Variants in TTLL11 observed in about 807,000 individuals in gnomAD.
TTLL11 encodes tubulin tyrosine ligase like 11.
TTLL11 carries 42 observed loss-of-function variants against 51.7 expected under a neutral mutation model. The observed-to-expected ratio is 0.81, with a 90% CI of 0.64 to 1.05. The LOEUF is 1.05. Among genes scored for constraint, TTLL11 ranks in the 50% least tolerant of loss-of-function variants. The pLI is 0.00. For synonymous variants in TTLL11, 381 were observed against 383.5 expected (o/e 0.99, Z 0.08); for missense variants, 799 against 940.4 (o/e 0.85, Z 1.97).
chr9:121,859,862 C>A (rs1259421633), intron 8 of TTLL11, among the ~76,000 whole-genome samples: 1 of 152,218 alleles, frequency 6.6e-6, no homozygotes, highest in Non-Finnish European at 1.5e-5. Context: ...TTCCTTGGCC[C>A]TCCCTGGATG....
Position 121,872,608 on chromosome 9 carries a change from G to A in TTLL11, c.1482-1860C>T, listed in dbSNP as rs530088602. ...ACATGCGTGATAGCCCTGTACGAAC[G>A]GTCCTCTCTTCATCCCAGTCCAAGG... On this transcript the variant is annotated intron_variant, in intron 6 of 8. Coordinates refer to ENST00000321582, the MANE Select transcript of TTLL11 (RefSeq NM_001139442.2). Among the ~76,000 whole-genome samples, 7 of 152,182 alleles carry A rather than the reference G, an allele frequency of 4.6e-5. No homozygotes were observed. The South Asian group carries it at 1.5e-3, about 32-fold the overall frequency.
chr9:121,862,935 A>G (rs1158083265), intron 7 of TTLL11, among the ~76,000 whole-genome samples: 1 of 152,118 alleles, frequency 6.6e-6, no homozygotes, highest in African/African-American at 2.4e-5. Flanking sequence ...CCCCTCTCCA[A>G]ACCCAAGCGC....
chr9:121,861,356 C>T (rs1838004444), intron 7 of TTLL11, among the ~76,000 whole-genome samples: 1 of 152,192 alleles, frequency 6.6e-6, no homozygotes, highest in African/African-American at 2.4e-5. Context: ...GGATTACAGG[C>T]GTGAGCCACT....
Position 121,817,212 on chromosome 9 carries a change from A to T in TTLL11, c.*5375T>A, listed in dbSNP as rs1836437228. Reference sequence around the variant, plus strand: ...GGACACTCTGCCAATCACAAGGCACATTCCGGGTGTCAGAGGAGCAGCAGG... The same window carrying T: ...GGACACTCTGCCAATCACAAGGCACTTTCCGGGTGTCAGAGGAGCAGCAGG... On this transcript the variant is annotated 3_prime_UTR_variant, in exon 9 of 9. Coordinates refer to ENST00000321582, the MANE Select transcript of TTLL11 (RefSeq NM_001139442.2). 1 of 151,822 alleles carries T rather than the reference A, an allele frequency of 6.6e-6. No individual in the cohort carries two copies. Among genetic ancestry groups the T allele is most frequent in the East Asian group, 2.0e-4 (1 of 5,118 alleles). The allele number at this position is 151,822 out of a possible 1,614,324, so 9.4% of individuals were successfully genotyped here. A position where few individuals can be genotyped will look rare whatever the true frequency, so the allele number is the denominator to read the frequency against.
At position 121,826,547 on chromosome 9, in the gene TTLL11, A is replaced by G. The variant is rs1239640436; in HGVS notation, c.1841-3668T>C. The stretch of plus-strand genomic sequence containing the variant: ...TATATATGTGTGTGTGTATATATAT[A>G]TATGTGTGTGTATATATATATATAT... On this transcript the variant is annotated intron_variant, in intron 8 of 8. Transcript: ENST00000321582. Among the ~76,000 whole-genome samples, 8 of 35,088 alleles carry G rather than the reference A, an allele frequency of 2.3e-4. 1 individual carries two copies. Among genetic ancestry groups the G allele is most frequent in the African/African-American group, 9.2e-4 (8 of 8,688 alleles). The allele number at this position is 35,088 out of a possible 152,430, so 23.0% of individuals were successfully genotyped here. A position where few individuals can be genotyped will look rare whatever the true frequency, so the allele number is the denominator to read the frequency against.
At chr9:121,850,446 G>T (rs1037983366) in intron 8 of TTLL11, among the ~76,000 whole-genome samples, 1 of 152,124 alleles carries the variant, frequency 6.6e-6, no homozygotes, top group Non-Finnish European at 1.5e-5. Flanking sequence ...GGGAGGACCT[G>T]GTGTAAGTCC....
intron 7 of TTLL11, among the ~76,000 whole-genome samples, chr9:121,864,238 G>T (rs1838110004): frequency 6.6e-6 from 1 of 152,208 alleles, no homozygotes; most frequent in Non-Finnish European, 1.5e-5. Flanking sequence ...TGCTGAATGG[G>T]CCTTGGATAC....
chr9:121,825,987 C>T (rs1836739150), intron 8 of TTLL11, among the ~76,000 whole-genome samples: 1 of 150,994 alleles, frequency 6.6e-6, no homozygotes, highest in African/African-American at 2.4e-5. Flanking sequence ...ATTTAAACAT[C>T]TGCAGTGGGA....
intron 1 of TTLL11, among the ~76,000 whole-genome samples, chr9:122,054,366 G>C (rs149867850): frequency 6.6e-6 from 1 of 152,132 alleles, no homozygotes; most frequent in Non-Finnish European, 1.5e-5. Flanking sequence ...ATCTCCTCCA[G>C]TTATTTATTC....
At chr9:121,898,176 A>T (rs1431930517) in intron 6 of TTLL11, among the ~76,000 whole-genome samples, 1 of 152,112 alleles carries the variant, frequency 6.6e-6, no homozygotes, top group African/African-American at 2.4e-5. Context: ...AGCCTGCCAA[A>T]GTGCTGGGAT....
Position 121,860,441 on chromosome 9 carries a change from C to T in TTLL11, c.1736G>A (p.Ser579Asn), listed in dbSNP as rs1204305785. 2 of 1,550,574 alleles carry T rather than the reference C, an allele frequency of 1.3e-6. No homozygotes were observed. Among genetic ancestry groups the T allele is most frequent in the Non-Finnish European group, 1.7e-6 (2 of 1,146,804 alleles). Residue 579 changes from serine to asparagine, a missense_variant and splice_region_variant, in exon 8 of 9, where the codon AGC (serine) becomes AAC (asparagine). Ser to Asn is a conservative substitution (Grantham distance 46). Transcript: ENST00000321582. ...GPTGFRTFIR[S>N]CKLSSSSLSM... is the part of the protein sequence containing the mutation. ...CAGGCTGCTGCTGCTGAGTTTGCAG[C>T]TCCTGCCAACAATGGGAAGTGACAT...
At chr9:122,003,466 G>A (rs1215858787) in intron 3 of TTLL11, among the ~76,000 whole-genome samples, 1 of 148,104 alleles carries the variant, frequency 6.8e-6, no homozygotes, top group African/African-American at 2.5e-5. Flanking sequence ...AACTTTAATC[G>A]AAATATGCAT....
intron 1 of TTLL11, among the ~76,000 whole-genome samples, chr9:122,091,909 C>G (rs1588273264): frequency 6.6e-6 from 1 of 152,198 alleles, no homozygotes; most frequent in African/African-American, 2.4e-5. Context: ...TATTCATTCA[C>G]CCTTTCATTC....
intron 8 of TTLL11, among the ~76,000 whole-genome samples, chr9:121,858,334 G>C (rs1469225884): frequency 1.3e-5 from 2 of 152,206 alleles, no homozygotes; most frequent in East Asian, 3.9e-4. Context: ...AACGGGCTCG[G>C]GTGGATTGGT....
intron 6 of TTLL11, among the ~76,000 whole-genome samples, chr9:121,882,055 G>A (rs1374272069): frequency 1.3e-5 from 2 of 152,172 alleles, no homozygotes; most frequent in Non-Finnish European, 2.9e-5. Flanking sequence ...AATTAAATGG[G>A]CTAATCCATT....
chr9:121,944,907 T>A (rs963684853), intron 6 of TTLL11, among the ~76,000 whole-genome samples: 1 of 152,188 alleles, frequency 6.6e-6, no homozygotes, highest in Admixed American at 6.5e-5. Context: ...CTGGGCACCA[T>A]AAATAGTAAC....
At chr9:121,867,802 G>A (rs1158454670) in intron 7 of TTLL11, among the ~76,000 whole-genome samples, 5 of 152,038 alleles carry the variant, frequency 3.3e-5, no homozygotes, top group Non-Finnish European at 5.9e-5. Context: ...GTGACTCTAC[G>A]AAAACATTAC....
intron 8 of TTLL11, among the ~76,000 whole-genome samples, chr9:121,830,500 C>T (rs1388049479): frequency 6.6e-6 from 1 of 152,154 alleles, no homozygotes; most frequent in Non-Finnish European, 1.5e-5. Flanking sequence ...AAGGACCTGC[C>T]CCCAAACTGA....
intron 6 of TTLL11, among the ~76,000 whole-genome samples, chr9:121,904,921 T>C (rs1839888358): frequency 6.6e-6 from 1 of 152,190 alleles, no homozygotes; most frequent in African/African-American, 2.4e-5. Flanking sequence ...TATTGACTCA[T>C]GTATGGACGT....
Sources: allele counts gnomAD v4.1 joint callset (sites outside exome capture counted in the v4.1 genomes callset), GRCh38; gene constraint gnomAD v4.1.1; transcripts MANE v1.5; gene names NCBI Gene and HGNC (gene_info 2026-07-23, HGNC 2026-07-21).